Variants in PIK3AP1 observed in about 807,000 individuals in gnomAD.
PIK3AP1 encodes the protein phosphoinositide-3-kinase adaptor protein 1, also known as phosphoinositide 3-kinase adapter protein 1.
A neutral mutation model predicts 88.1 loss-of-function variants in PIK3AP1; 21 were observed. That is an observed-to-expected ratio of 0.24 (90% CI 0.17 to 0.34). The LOEUF is 0.34. Ranked by LOEUF, PIK3AP1 falls within the 10% of genes least tolerant of loss-of-function variation. PIK3AP1 has a pLI of 1.00. For synonymous variants in PIK3AP1, 398 were observed against 400.0 expected (o/e 1.00, Z 0.06); for missense variants, 828 against 1,035.7 (o/e 0.80, Z 2.75).
chr10:96,718,660 C>T (rs925754705), intron 1 of PIK3AP1, among the ~76,000 whole-genome samples: 24 of 152,180 alleles, frequency 1.6e-4, no homozygotes, highest in Non-Finnish European at 2.8e-4. Flanking sequence ...CTAGCTCCTT[C>T]GGCTGTGTCC....
At chr10:96,662,527 C>T (rs1478569522) in intron 2 of PIK3AP1, among the ~76,000 whole-genome samples, 2 of 150,838 alleles carry the variant, frequency 1.3e-5, no homozygotes, top group Non-Finnish European at 3.0e-5. Context: ...TGCTTGAACC[C>T]AGGAGGCAGA....
In PIK3AP1 at chr10:96,593,765, G is replaced by GTGA. The variant is rs980359449; in HGVS notation, c.*1809_*1811dup. ...GTAATTAATTACTACAAACACTCTC[G>GTGA]TGATGGACATGGCCAATAGTGTATT... On this transcript the variant is annotated 3_prime_UTR_variant, in exon 17 of 17. Coordinates refer to ENST00000339364, the MANE Select transcript of PIK3AP1 (RefSeq NM_152309.3). 2.6e-5 allele frequency: 4 copies of GTGA among 152,130 alleles called. No individual in the cohort carries two copies. The highest frequency in any genetic ancestry group is 7.2e-5 in the African/African-American group (3 of 41,422). 9.4% of individuals were successfully genotyped at this position (152,130 alleles called of 1,614,324 possible). A position where few individuals can be genotyped will look rare whatever the true frequency, so the allele number is the denominator to read the frequency against.
At chr10:96,634,972 A>C (rs564200342) in intron 8 of PIK3AP1, among the ~76,000 whole-genome samples, 12 of 152,246 alleles carry the variant, frequency 7.9e-5, no homozygotes, top group Admixed American at 7.2e-4. Context: ...ATTGGGCAGA[A>C]AGCTTAGCTG....
intron 2 of PIK3AP1, among the ~76,000 whole-genome samples, chr10:96,686,512 G>A (rs1455461332): frequency 6.6e-6 from 1 of 152,304 alleles, no homozygotes; most frequent in Middle Eastern, 3.4e-3. Flanking sequence ...ATTTGAGTTG[G>A]ATGGGCTTAG....
At chr10:96,598,453 C>A (rs1848821081) in intron 16 of PIK3AP1, among the ~76,000 whole-genome samples, 1 of 151,944 alleles carries the variant, frequency 6.6e-6, no homozygotes, top group East Asian at 1.9e-4. Flanking sequence ...GAAGTCCAAC[C>A]CAAACAGTAC....
At chr10:96,709,153 C>CTTTT (rs1334118996) in intron 2 of PIK3AP1, among the ~76,000 whole-genome samples, 1 of 150,540 alleles carries the variant, frequency 6.6e-6, no homozygotes, top group Non-Finnish European at 1.5e-5. Flanking sequence ...AAAAAAAACC[C>CTTTT]TTTTTTAACA....
chr10:96,716,068 G>A (rs946554646), intron 1 of PIK3AP1, among the ~76,000 whole-genome samples: 1 of 151,978 alleles, frequency 6.6e-6, no homozygotes, highest in Non-Finnish European at 1.5e-5. Flanking sequence ...ATCACTTGAC[G>A]CCAGGAGTTC....
At chr10:96,595,684 A>C (rs371510754) in intron 16 of PIK3AP1, 50 bp from the exon 17 acceptor site, 1 of 1,579,822 alleles carries the variant, frequency 6.3e-7, no homozygotes, top group South Asian at 1.1e-5. Context: ...TTGATTAAAC[A>C]GTTCTTAGGA....
At chr10:96,673,641 T>A (rs1164042279) in intron 2 of PIK3AP1, among the ~76,000 whole-genome samples, 2 of 152,232 alleles carry the variant, frequency 1.3e-5, no homozygotes, top group Non-Finnish European at 2.9e-5. Flanking sequence ...AGGCTCTTCT[T>A]GGTTTCCTGG....
At chr10:96,701,336 C>A (rs936472299) in intron 2 of PIK3AP1, among the ~76,000 whole-genome samples, 1 of 152,136 alleles carries the variant, frequency 6.6e-6, no homozygotes, top group African/African-American at 2.4e-5. Context: ...AGAAGCAAGG[C>A]CAAGTGTAAG....
chr10:96,700,774 A>G (rs1215800077), intron 2 of PIK3AP1: 26 of 980,678 alleles, frequency 2.7e-5, no homozygotes, highest in Non-Finnish European at 2.8e-5. Flanking sequence ...AAAGTGCCCC[A>G]TAAGCCCCAG....
At chr10:96,697,333 G>A (rs986604082) in intron 2 of PIK3AP1, among the ~76,000 whole-genome samples, 1 of 152,098 alleles carries the variant, frequency 6.6e-6, no homozygotes, top group Non-Finnish European at 1.5e-5. Flanking sequence ...GTCTGTACAC[G>A]CGAACTTAAC....
At chr10:96,633,476 T>C (rs1309877365) in intron 8 of PIK3AP1, among the ~76,000 whole-genome samples, 3 of 152,200 alleles carry the variant, frequency 2.0e-5, no homozygotes, top group African/African-American at 7.2e-5. Context: ...ATCTCCCAGG[T>C]TTGTCATGAG....
At chr10:96,646,561 A>G (rs2134229379) in intron 7 of PIK3AP1, among the ~76,000 whole-genome samples, 1 of 152,266 alleles carries the variant, frequency 6.6e-6, no homozygotes, top group Non-Finnish European at 1.5e-5. Flanking sequence ...GCTGAACAGG[A>G]ATGCAGCTAA....
At chr10:96,700,877 C>G in intron 2 of PIK3AP1, 1 of 985,612 alleles carries the variant, frequency 1.0e-6, no homozygotes, top group African/African-American at 1.7e-5. Context: ...CCCTTCTCTT[C>G]TCTCAGGGCT....
chr10:96,654,403 G>A (rs193271638), intron 3 of PIK3AP1, among the ~76,000 whole-genome samples: 236 of 152,198 alleles, frequency 1.6e-3, no homozygotes, highest in Admixed American at 3.3e-3. Flanking sequence ...AGCCCTTCAT[G>A]ACAAGGGCCA....
intron 2 of PIK3AP1, among the ~76,000 whole-genome samples, chr10:96,681,507 T>C (rs1463869613): frequency 1.3e-5 from 2 of 152,206 alleles, no homozygotes; most frequent in African/African-American, 4.8e-5. Flanking sequence ...TCTCTCATAT[T>C]ATGCTGAGAT....
intron 12 of PIK3AP1, 30 bp downstream of exon 12, chr10:96,620,322 A>G (rs777914188): frequency 1.9e-6 from 3 of 1,609,002 alleles, no homozygotes; most frequent in Non-Finnish European, 2.6e-6. Flanking sequence ...GGAAATAGAC[A>G]TGAAACAAAT....
At chr10:96,599,402 A>C (rs1287593510) in intron 16 of PIK3AP1, among the ~76,000 whole-genome samples, 1 of 152,154 alleles carries the variant, frequency 6.6e-6, no homozygotes, top group Non-Finnish European at 1.5e-5. Context: ...GAGAAGGCTG[A>C]GATGGAGATG....
Sources: gnomAD v4.1 joint callset for allele counts (sites outside exome capture counted in the v4.1 genomes callset) on GRCh38, gnomAD v4.1.1 for gene constraint, MANE v1.5 for transcripts, NCBI Gene and HGNC (gene_info 2026-07-23, HGNC 2026-07-21) for gene names.